The following HMGCLL1 variants were observed in gnomAD, a reference collection of about 807,000 sequenced individuals.
The protein encoded by HMGCLL1 is 3-hydroxy-3-methylglutaryl-CoA lyase like 1, also known as 3-hydroxymethyl-3-methylglutaryl-CoA lyase, cytoplasmic.
HMGCLL1 carries 36 observed loss-of-function variants against 39.1 expected under a neutral mutation model. That is an observed-to-expected ratio of 0.92 (90% CI 0.71 to 1.22). The LOEUF (loss-of-function observed/expected upper bound fraction) is 1.22. Ranked by LOEUF, HMGCLL1 falls within the 50% of genes most tolerant of loss-of-function variation. The probability of loss-of-function intolerance (pLI) is 0.00; values close to 1 mark genes in which losing one functional copy is unlikely to be tolerated. For synonymous variants in HMGCLL1, 149 were observed against 144.0 expected, an observed-to-expected ratio of 1.03 and a Z score of -0.25; for missense variants, 451 against 416.5, an observed-to-expected ratio of 1.08 and a Z score of -0.72.
At chr6:55,629,550 G>C in the HMGCLL1 span, among the ~76,000 whole-genome samples, 1 of 152,108 alleles carries the variant, frequency 6.6e-6, no homozygotes, top group Admixed American at 6.6e-5. Flanking sequence ...ACAAAGAGCC[G>C]AATGTTAATC....
At chr6:55,477,644 A>G (rs1054942442) in intron 7 of HMGCLL1, among the ~76,000 whole-genome samples, 2 of 146,674 alleles carry the variant, frequency 1.4e-5, no homozygotes, top group Admixed American at 7.0e-5. Flanking sequence ...TATATGAGTT[A>G]CAGTTTATAT....
intron 3 of HMGCLL1, among the ~76,000 whole-genome samples, chr6:55,534,291 T>C (rs1432699387): frequency 1.3e-5 from 2 of 152,146 alleles, no homozygotes; most frequent in African/African-American, 4.8e-5. Context: ...TAAAAAGACC[T>C]CAGTGGTATT....
intron 3 of HMGCLL1, among the ~76,000 whole-genome samples, chr6:55,519,966 A>T (rs1767951412): frequency 2.0e-5 from 3 of 151,964 alleles, no homozygotes; most frequent in South Asian, 4.1e-4. Flanking sequence ...GCAAACAATA[A>T]TTTTTTTAAA....
At chr6:55,606,826 A>G in the HMGCLL1 span, among the ~76,000 whole-genome samples, 13 of 152,080 alleles carry the variant, frequency 8.5e-5, no homozygotes, top group African/African-American at 2.9e-4. Context: ...GGTGGGCCCA[A>G]TGTAATCACA....
intron 7 of HMGCLL1, among the ~76,000 whole-genome samples, chr6:55,483,956 T>C (rs1765873577): frequency 6.6e-6 from 1 of 152,160 alleles, no homozygotes; most frequent in African/African-American, 2.4e-5. Flanking sequence ...GAACATTTTG[T>C]ATTAGTAGGG....
At chr6:55,530,172 C>T (rs967074720) in intron 3 of HMGCLL1, among the ~76,000 whole-genome samples, 3 of 151,944 alleles carry the variant, frequency 2.0e-5, no homozygotes, top group African/African-American at 4.8e-5. Flanking sequence ...TCCATCTTGA[C>T]TGATAATAGT....
At chr6:55,554,811 C>T (rs980108343) in intron 1 of HMGCLL1, among the ~76,000 whole-genome samples, 5 of 152,178 alleles carry the variant, frequency 3.3e-5, no homozygotes, top group African/African-American at 9.6e-5. Context: ...TGTTCTCCCA[C>T]AGACTTCCTG....
chr6:55,575,530 G>A (rs563183405), intron 1 of HMGCLL1, among the ~76,000 whole-genome samples: 3 of 152,118 alleles, frequency 2.0e-5, no homozygotes, highest in Admixed American at 6.5e-5. Flanking sequence ...GAAAAATATC[G>A]AGGTTTTCAA....
chr6:55,547,765 T>C (rs1311871665), intron 1 of HMGCLL1, among the ~76,000 whole-genome samples: 1 of 152,066 alleles, frequency 6.6e-6, no homozygotes, highest in Non-Finnish European at 1.5e-5. Context: ...TCATTTGAAA[T>C]ATGCACATGG....
At chr6:55,622,280 G>A in the HMGCLL1 span, among the ~76,000 whole-genome samples, 1 of 151,838 alleles carries the variant, frequency 6.6e-6, no homozygotes, top group Non-Finnish European at 1.5e-5. Flanking sequence ...CTTTTCTGAT[G>A]ACTCTAGCCA....
chr6:55,551,913 TTC>T (rs1770347412), intron 1 of HMGCLL1, among the ~76,000 whole-genome samples: 1 of 151,958 alleles, frequency 6.6e-6, no homozygotes, highest in African/African-American at 2.4e-5. Flanking sequence ...TTTTATAGAA[TTC>T]TCTCAGTGCT....
chr6:55,442,222 C>T (rs1763629709), intron 7 of HMGCLL1, among the ~76,000 whole-genome samples: 1 of 152,082 alleles, frequency 6.6e-6, no homozygotes, highest in Non-Finnish European at 1.5e-5. Flanking sequence ...AAAAATGTCA[C>T]TATGCGTAGC....
chr6:55,452,457 G>C (rs1188528538), intron 7 of HMGCLL1, among the ~76,000 whole-genome samples: 1 of 152,166 alleles, frequency 6.6e-6, no homozygotes, highest in Admixed American at 6.5e-5. Flanking sequence ...AAGCATAGGT[G>C]AATCAGAGAA....
At chr6:55,481,820 A>ACCTG (rs1221024847) in intron 7 of HMGCLL1, among the ~76,000 whole-genome samples, 1 of 151,952 alleles carries the variant, frequency 6.6e-6, no homozygotes, top group Non-Finnish European at 1.5e-5. Context: ...CTATCTACCT[A>ACCTG]CCTATCTATT....
intron 7 of HMGCLL1, among the ~76,000 whole-genome samples, chr6:55,464,874 G>A (rs535504799): frequency 2.0e-5 from 3 of 152,118 alleles, no homozygotes; most frequent in Admixed American, 1.3e-4. Flanking sequence ...TCTAAAATGT[G>A]TCTTGTTTAC....
the HMGCLL1 span, among the ~76,000 whole-genome samples, chr6:55,647,611 C>A: frequency 2.0e-4 from 31 of 151,568 alleles, no homozygotes; most frequent in East Asian, 5.4e-3. Flanking sequence ...TCTTATTACC[C>A]ATTATTTTAA....
chr6:55,479,513 C>T (rs1211162067), intron 7 of HMGCLL1, among the ~76,000 whole-genome samples: 1 of 151,446 alleles, frequency 6.6e-6, no homozygotes, highest in Non-Finnish European at 1.5e-5. Context: ...TAATCACTTG[C>T]CACTCTCATC....
intron 3 of HMGCLL1, among the ~76,000 whole-genome samples, chr6:55,520,700 A>G (rs1012922957): frequency 9.9e-5 from 15 of 152,226 alleles, no homozygotes; most frequent in African/African-American, 3.4e-4. Flanking sequence ...CATTTACATT[A>G]CTGTTTTGAC....
intron 1 of HMGCLL1, among the ~76,000 whole-genome samples, chr6:55,562,425 G>C (rs980835552): frequency 2.6e-5 from 4 of 152,062 alleles, no homozygotes; most frequent in African/African-American, 4.8e-5. Context: ...CACACACACA[G>C]AGACATTATT....
Sources: allele counts gnomAD v4.1 joint callset (sites outside exome capture counted in the v4.1 genomes callset), GRCh38; gene constraint gnomAD v4.1.1; transcripts MANE v1.5; gene names NCBI Gene and HGNC (gene_info 2026-07-23, HGNC 2026-07-21).